Variants in DCHS2 observed in about 807,000 individuals in gnomAD.
DCHS2 encodes dachsous cadherin-related 2.
DCHS2 carries 142 observed loss-of-function variants against 182.4 expected under a neutral mutation model. The observed-to-expected ratio is 0.78, with a 90% CI of 0.68 to 0.89. The LOEUF (loss-of-function observed/expected upper bound fraction) is 0.89. Ranked by LOEUF, DCHS2 falls within the 40% of genes least tolerant of loss-of-function variation. The pLI is 0.00. For synonymous variants in DCHS2, 1,740 were observed against 1,663.3 expected (o/e 1.05, Z -1.12); for missense variants, 4,319 against 4,198.6 (o/e 1.03, Z -0.79).
chr4:154,389,156 A>G (rs547171555), intron 1 of DCHS2, among the ~76,000 whole-genome samples: 32 of 152,312 alleles, frequency 2.1e-4, no homozygotes, highest in Non-Finnish European at 4.3e-4. Context: ...TTATTTACAC[A>G]TATCAATATT....
At position 154,491,058 on chromosome 4, in the gene DCHS2, C is replaced by G. The variant is rs1239988357; in HGVS notation, c.298G>C (p.Gly100Arg). The stretch of plus-strand genomic sequence containing the variant: ...TCGGAGTCCTCCGACAGAAAGAAGC[C>G]GCTCCCCTCCTGCTGCTGCGCGGCC... Reference protein sequence around the residue: ...LPAAQQQEGSGFFLSEDSDDS... With the variant: ...LPAAQQQEGSRFFLSEDSDDS... The change falls in exon 1 of 20, where the codon GGC becomes CGC. Residue 100 changes from glycine to arginine, a missense_variant. Coordinates refer to ENST00000357232, the MANE Select transcript of DCHS2 (RefSeq NM_001358235.2). The G allele has an allele frequency of 6.4e-7, 1 of 1,551,192 alleles. No individual in the cohort carries two copies. The highest frequency in any genetic ancestry group is 2.0e-5 in the Admixed American group (1 of 51,012).
At chr4:154,349,398 T>C (rs1478388920) in intron 3 of DCHS2, among the ~76,000 whole-genome samples, 1 of 152,190 alleles carries the variant, frequency 6.6e-6, no homozygotes, top group East Asian at 1.9e-4. Flanking sequence ...CATGAAACTT[T>C]AGCGTGAGTG....
intron 3 of DCHS2, among the ~76,000 whole-genome samples, chr4:154,352,035 CCACA>C (rs998381705): frequency 1.3e-5 from 2 of 151,690 alleles, no homozygotes; most frequent in East Asian, 1.9e-4. Flanking sequence ...TGAACTAACT[CCACA>C]CACACACAGA....
intron 3 of DCHS2, among the ~76,000 whole-genome samples, chr4:154,356,932 C>T (rs1729898113): frequency 6.6e-6 from 1 of 152,076 alleles, no homozygotes; most frequent in Non-Finnish European, 1.5e-5. Flanking sequence ...GCACAGGCTA[C>T]AGGTCAGAAG....
chr4:154,235,062 A>G lies in DCHS2; in HGVS notation c.9590T>C (p.Leu3197Pro). Residue 3197 changes from leucine to proline, a missense_variant, in exon 20 of 20, where the codon CTG becomes CCG. By Grantham distance (98) the Leu-to-Pro change is moderately conservative. Transcript: ENST00000357232. Reference sequence around the variant, plus strand: ...GACAGACTCTTTTCTAACGTCAGCCAGGATGCTCTCTTTTGCCTCTCTCTT... The same window carrying G: ...GACAGACTCTTTTCTAACGTCAGCCGGGATGCTCTCTTTTGCCTCTCTCTT... ...VQKREAKESI[L>P]ADVRKESVFI... 2 of 1,613,982 alleles carry G rather than the reference A, an allele frequency of 1.2e-6. No homozygotes were observed. The highest frequency in any genetic ancestry group is 2.2e-5 in the South Asian group (2 of 91,078).
At chr4:154,363,651 T>C (rs985012215) in intron 3 of DCHS2, among the ~76,000 whole-genome samples, 17 of 152,206 alleles carry the variant, frequency 1.1e-4, no homozygotes, top group African/African-American at 4.1e-4. Context: ...AATAATAATG[T>C]ATTAATAATA....
chr4:154,373,975 C>A (rs372287594), intron 2 of DCHS2: 22 of 1,502,390 alleles, frequency 1.5e-5, no homozygotes, highest in Non-Finnish European at 2.0e-5. Context: ...ATGAATTGAT[C>A]CTTTTTGGAG....
intron 1 of DCHS2, chr4:154,391,132 A>C (rs1432886069): frequency 6.3e-7 from 1 of 1,581,752 alleles, no homozygotes; most frequent in Non-Finnish European, 8.6e-7. Context: ...GACTTATAAA[A>C]GCTGATACTT....
At chr4:154,244,573 TC>T (rs2111115650) in intron 16 of DCHS2, among the ~76,000 whole-genome samples, 1 of 152,320 alleles carries the variant, frequency 6.6e-6, no homozygotes, top group East Asian at 1.9e-4. Context: ...CACTTTGTTT[TC>T]ATTGTTAGAA....
chr4:154,309,931 G>A (rs1240833234), intron 10 of DCHS2, among the ~76,000 whole-genome samples: 2 of 152,172 alleles, frequency 1.3e-5, no homozygotes, highest in Non-Finnish European at 2.9e-5. Context: ...ATTATAGAAC[G>A]ATAACTATGA....
intron 1 of DCHS2, among the ~76,000 whole-genome samples, chr4:154,487,094 A>G (rs1338058074): frequency 1.3e-5 from 2 of 152,170 alleles, no homozygotes; most frequent in Non-Finnish European, 2.9e-5. Context: ...ATCATAATTA[A>G]TCCACCCTGC....
rs115934480 is a variant in DCHS2, at chr4:154,337,161, G to A, written c.2477-2057C>T. ...GCAGTTTCTAAAAAATATTGCTTTA[G>A]TATTAAAGTCTCTGATTGATTGAAA... On this transcript the variant is annotated intron_variant, in intron 3 of 19. Transcript: ENST00000357232. Among the ~76,000 whole-genome samples, 681 of 152,136 alleles carry A rather than the reference G, an allele frequency of 4.5e-3. 5 individuals are homozygous for A. Among genetic ancestry groups the A allele is most frequent in the African/African-American group, 0.016 (660 of 41,504 alleles).
intron 1 of DCHS2, among the ~76,000 whole-genome samples, chr4:154,392,411 G>A (rs554798971): frequency 6.6e-6 from 1 of 152,210 alleles, no homozygotes; most frequent in Admixed American, 6.5e-5. Flanking sequence ...AAACTCAAGG[G>A]AAACCCATCG....
intron 1 of DCHS2, among the ~76,000 whole-genome samples, chr4:154,423,858 T>A (rs1002456473): frequency 6.6e-6 from 1 of 152,204 alleles, no homozygotes; most frequent in Admixed American, 6.5e-5. Context: ...TCCCTAAATC[T>A]GGGATGGAGC....
At chr4:154,259,499 C>CA (rs757510802) in intron 15 of DCHS2, 46 bp downstream of exon 15, 191 of 1,589,330 alleles carry the variant, frequency 1.2e-4, no homozygotes, top group South Asian at 8.2e-4. Flanking sequence ...CACAGACACA[C>CA]CCACACACAC....
chr4:154,463,862 T>A (rs1403269639), intron 1 of DCHS2, among the ~76,000 whole-genome samples: 1 of 152,164 alleles, frequency 6.6e-6, no homozygotes, highest in Admixed American at 6.5e-5. Context: ...ATTTTATGCT[T>A]AACTCAGAAC....
intron 14 of DCHS2, among the ~76,000 whole-genome samples, chr4:154,263,367 A>T (rs1733076914): frequency 6.6e-6 from 1 of 152,016 alleles, no homozygotes; most frequent in Non-Finnish European, 1.5e-5. Context: ...GATAAATTAT[A>T]TATATAATAC....
chr4:154,457,669 T>C (rs925935920), intron 1 of DCHS2, among the ~76,000 whole-genome samples: 2 of 152,194 alleles, frequency 1.3e-5, no homozygotes, highest in Non-Finnish European at 2.9e-5. Flanking sequence ...ATCTGGCTTA[T>C]AACAGGGTGA....
chr4:154,439,850 G>T (rs953071978), intron 1 of DCHS2, among the ~76,000 whole-genome samples: 7 of 152,208 alleles, frequency 4.6e-5, no homozygotes, highest in African/African-American at 1.7e-4. Flanking sequence ...CAACCATAAT[G>T]CTCTACGAAA....
Sources: gnomAD v4.1 joint callset for allele counts (sites outside exome capture counted in the v4.1 genomes callset) on GRCh38, gnomAD v4.1.1 for gene constraint, MANE v1.5 for transcripts, NCBI Gene and HGNC (gene_info 2026-07-23, HGNC 2026-07-21) for gene names.